CFAP299: variants seen among roughly 807,000 people sequenced by gnomAD.
CFAP299 encodes cilia and flagella associated protein 299, also known as cilia- and flagella-associated protein 299.
CFAP299 carries 21 observed loss-of-function variants against 27.0 expected under a neutral mutation model. That is an observed-to-expected ratio of 0.78 (90% CI 0.55 to 1.12). The LOEUF is 1.12. Ranked by LOEUF, CFAP299 falls within the 50% of genes most tolerant of loss-of-function variation. CFAP299 has a pLI of 0.00. For synonymous variants in CFAP299, 104 were observed against 98.1 expected, an observed-to-expected ratio of 1.06 and a Z score of -0.36; for missense variants, 310 against 276.6, an observed-to-expected ratio of 1.12 and a Z score of -0.86.
At chr4:80,575,929 C>T (rs937883595) in intron 2 of CFAP299, among the ~76,000 whole-genome samples, 2 of 151,694 alleles carry the variant, frequency 1.3e-5, no homozygotes, top group Non-Finnish European at 2.9e-5. Flanking sequence ...AGCAAACTAT[C>T]GCAAGGACAA....
intron 2 of CFAP299, among the ~76,000 whole-genome samples, chr4:80,369,404 C>G (rs1413111311): frequency 6.6e-6 from 1 of 152,180 alleles, no homozygotes; most frequent in East Asian, 1.9e-4. Context: ...AAATCTCCTG[C>G]CTTTGTCTAT....
chr4:80,945,100 CT>C (rs1252597953), intron 5 of CFAP299, among the ~76,000 whole-genome samples, 161 bp downstream of exon 5: 1 of 152,198 alleles, frequency 6.6e-6, no homozygotes, highest in Non-Finnish European at 1.5e-5. Flanking sequence ...TTAAAAAACA[CT>C]GCATAGCTTC....
intron 3 of CFAP299, among the ~76,000 whole-genome samples, chr4:80,648,089 T>G (rs1483822715): frequency 6.6e-6 from 1 of 152,162 alleles, no homozygotes; most frequent in African/African-American, 2.4e-5. Flanking sequence ...TTAAGAAAAG[T>G]TAGTTAATGT....
intron 2 of CFAP299, among the ~76,000 whole-genome samples, chr4:80,558,870 A>G (rs76944792): frequency 0.04 from 6,087 of 152,226 alleles, 354 homozygotes; most frequent in African/African-American, 0.13. Context: ...TTTACTCTAA[A>G]AGTACAAGAG....
chr4:80,820,067 T>G (rs1729622012), intron 3 of CFAP299, among the ~76,000 whole-genome samples: 1 of 152,170 alleles, frequency 6.6e-6, no homozygotes, highest in African/African-American at 2.4e-5. Flanking sequence ...AAACAAATAT[T>G]GCTTTCCTTC....
intron 3 of CFAP299, among the ~76,000 whole-genome samples, chr4:80,738,833 T>C (rs66572654): frequency 0.24 from 37,124 of 151,728 alleles, 6,177 homozygotes; most frequent in African/African-American, 0.46. Context: ...CTTCCTGGTA[T>C]TCCTTTTAGT....
chr4:80,531,402 C>T lies in CFAP299; in HGVS notation c.243-51691C>T, dbSNP rs1733456449. On this transcript the variant is annotated intron_variant, in intron 2 of 5. Coordinates refer to ENST00000358105, the MANE Select transcript of CFAP299 (RefSeq NM_152770.3). ...AAGTGTGAAACAAAGTACTTGTTAA[C>T]TTTGCCAATTTTCAATATTTTAGCT... is the stretch of plus-strand genomic sequence containing the variant. Among the ~76,000 whole-genome samples the T allele has an allele frequency of 2.6e-5, 4 of 152,136 alleles. No individual in the cohort carries two copies. In the South Asian group the frequency reaches 8.3e-4, roughly 32 times the overall value.
intron 5 of CFAP299, among the ~76,000 whole-genome samples, chr4:80,947,568 C>T (rs1235439519): frequency 6.6e-6 from 1 of 151,980 alleles, no homozygotes; most frequent in African/African-American, 2.4e-5. Context: ...AAGTACCAGG[C>T]CCAGTTTTTA....
chr4:80,657,592 T>C (rs1415670076), intron 3 of CFAP299, among the ~76,000 whole-genome samples: 2 of 152,212 alleles, frequency 1.3e-5, no homozygotes, highest in African/African-American at 4.8e-5. Context: ...TCTATATCTC[T>C]GTTTTGGTAC....
At chr4:80,823,718 A>G (rs1161285127) in intron 3 of CFAP299, among the ~76,000 whole-genome samples, 1 of 152,196 alleles carries the variant, frequency 6.6e-6, no homozygotes, top group Non-Finnish European at 1.5e-5. Flanking sequence ...AGTACTCTGC[A>G]TAGATATCAT....
intron 2 of CFAP299, among the ~76,000 whole-genome samples, chr4:80,374,560 T>A (rs1341605174): frequency 6.6e-6 from 1 of 152,166 alleles, no homozygotes; most frequent in Admixed American, 6.5e-5. Context: ...GTCAAAATTT[T>A]CAAAAACATC....
intron 2 of CFAP299, among the ~76,000 whole-genome samples, chr4:80,541,086 T>G (rs1733973860): frequency 6.6e-6 from 1 of 152,094 alleles, no homozygotes; most frequent in Admixed American, 6.5e-5. Flanking sequence ...TAGTAATATA[T>G]TTTTCGTTTT....
chr4:80,631,983 T>A (rs950014934), intron 3 of CFAP299, among the ~76,000 whole-genome samples: 4 of 150,654 alleles, frequency 2.7e-5, no homozygotes, highest in African/African-American at 9.7e-5. Context: ...ATGAACAAAT[T>A]TGTGCCCTTA....
intron 3 of CFAP299, among the ~76,000 whole-genome samples, chr4:80,690,740 T>C (rs1322964738): frequency 1.3e-5 from 2 of 151,662 alleles, no homozygotes; most frequent in East Asian, 2.0e-4. Flanking sequence ...CTTCAAAAAA[T>C]TAATGAATCC....
At chr4:80,657,473 G>A (rs142642395) in intron 3 of CFAP299, among the ~76,000 whole-genome samples, 8 of 152,002 alleles carry the variant, frequency 5.3e-5, no homozygotes, top group Admixed American at 1.3e-4. Flanking sequence ...AACACCATTT[G>A]TTAAATAGGG....
intron 2 of CFAP299, among the ~76,000 whole-genome samples, chr4:80,577,386 T>C (rs2109863258): frequency 6.7e-6 from 1 of 150,128 alleles, no homozygotes; most frequent in East Asian, 2.0e-4. Flanking sequence ...AGAAACTGCT[T>C]ATTAGAAAAC....
intron 2 of CFAP299, among the ~76,000 whole-genome samples, chr4:80,553,106 G>T (rs952826559): frequency 9.2e-5 from 14 of 151,948 alleles, no homozygotes; most frequent in Non-Finnish European, 1.3e-4. Flanking sequence ...TATTACCCAG[G>T]TATTAAGCTG....
chr4:80,851,123 A>G (rs1329119303), intron 3 of CFAP299, among the ~76,000 whole-genome samples: 1 of 152,150 alleles, frequency 6.6e-6, no homozygotes, highest in African/African-American at 2.4e-5. Context: ...GAAAAACCTC[A>G]AAACTGGAGA....
At chr4:80,702,782 C>T (rs975518112) in intron 3 of CFAP299, among the ~76,000 whole-genome samples, 4 of 151,722 alleles carry the variant, frequency 2.6e-5, no homozygotes, top group African/African-American at 9.7e-5. Context: ...AAGGTTTAAA[C>T]CTTGTATTAT....
Sources: gnomAD v4.1 joint callset for allele counts (sites outside exome capture counted in the v4.1 genomes callset) on GRCh38, gnomAD v4.1.1 for gene constraint, MANE v1.5 for transcripts, NCBI Gene and HGNC (gene_info 2026-07-23, HGNC 2026-07-21) for gene names.